PDZRN4: variants seen among roughly 807,000 people sequenced by gnomAD.
PDZRN4 encodes the protein PDZ domain-containing RING finger protein 4.
PDZRN4 carries 70 observed loss-of-function variants against 99.0 expected under a neutral mutation model. The observed-to-expected ratio is 0.71, with a 90% confidence interval of 0.58 to 0.86. The LOEUF is 0.86. Among genes scored for constraint, PDZRN4 ranks in the 40% least tolerant of loss-of-function variants. The probability of loss-of-function intolerance (pLI) is 0.00; values close to 1 mark genes in which losing one functional copy is unlikely to be tolerated. For missense variants in PDZRN4, 1,474 were observed against 1,331.2 expected, an observed-to-expected ratio of 1.11 and a Z score of -1.67; for synonymous variants, 551 against 501.6, an observed-to-expected ratio of 1.10 and a Z score of -1.32.
intron 3 of PDZRN4, among the ~76,000 whole-genome samples, chr12:41,462,076 T>A (rs1222791802): frequency 6.6e-6 from 1 of 152,228 alleles, no homozygotes; most frequent in East Asian, 1.9e-4. Flanking sequence ...ATCTATCTCT[T>A]CTGCCAACCA....
intron 3 of PDZRN4, among the ~76,000 whole-genome samples, chr12:41,470,984 G>A (rs1463528757): frequency 6.6e-6 from 1 of 152,140 alleles, no homozygotes; most frequent in Non-Finnish European, 1.5e-5. Flanking sequence ...ATACAAATAT[G>A]TAATAACACA....
intron 3 of PDZRN4, among the ~76,000 whole-genome samples, chr12:41,249,104 T>C (rs1161067788): frequency 6.6e-6 from 1 of 152,194 alleles, no homozygotes; most frequent in East Asian, 1.9e-4. Flanking sequence ...TATTCACATG[T>C]GCACATGTGT....
intron 3 of PDZRN4, among the ~76,000 whole-genome samples, chr12:41,367,710 G>T (rs1952011898): frequency 6.6e-6 from 1 of 151,814 alleles, no homozygotes; most frequent in Non-Finnish European, 1.5e-5. Context: ...TTATAGCTAT[G>T]AAAAAATTCA....
chr12:41,558,039 T>A (rs1044418378), intron 7 of PDZRN4, among the ~76,000 whole-genome samples: 2 of 152,168 alleles, frequency 1.3e-5, no homozygotes, highest in Non-Finnish European at 2.9e-5. Flanking sequence ...TTGTACAGCT[T>A]CGTTAAGAAA....
chr12:41,503,121 G>C (rs1938139339), intron 3 of PDZRN4, among the ~76,000 whole-genome samples: 1 of 151,680 alleles, frequency 6.6e-6, no homozygotes, highest in African/African-American at 2.4e-5. Context: ...TTCAAGTGAA[G>C]TGAAAAAAAA....
At chr12:41,340,916 A>G (rs965849975) in intron 3 of PDZRN4, among the ~76,000 whole-genome samples, 14 of 151,912 alleles carry the variant, frequency 9.2e-5, no homozygotes, top group African/African-American at 3.1e-4. Flanking sequence ...CAACAAAAAA[A>G]TAAACTACAG....
At chr12:41,235,843 C>T (rs1297746446) in intron 3 of PDZRN4, among the ~76,000 whole-genome samples, 2 of 152,110 alleles carry the variant, frequency 1.3e-5, no homozygotes, top group Non-Finnish European at 2.9e-5. Context: ...TTTGTTTAAC[C>T]AGCTTGAACA....
At chr12:41,213,332 G>A (rs1320141984) in intron 3 of PDZRN4, among the ~76,000 whole-genome samples, 1 of 152,022 alleles carries the variant, frequency 6.6e-6, no homozygotes, top group African/African-American at 2.4e-5. Flanking sequence ...TCGATGAGGG[G>A]TTTGGCAGTA....
rs991096340 is a variant in PDZRN4 at position 41,437,765 on chromosome 12, G to A, written c.844-68691G>A. On this transcript the variant is annotated intron_variant, in intron 3 of 9. Coordinates refer to ENST00000402685, the MANE Select transcript of PDZRN4 (RefSeq NM_001164595.2). ...AGATACTTAGGGAAAGCGAAGAAGA[G>A]CATGCTGCTACACACCACTCTGGCT... The A allele has an allele frequency of 3.3e-6, 5 of 1,509,834 alleles. No individual in the cohort carries two copies. The African/African-American group carries it at 4.2e-5, about 13-fold the overall frequency. The allele number at this position is 1,509,834 out of a possible 1,614,324, so 93.5% of individuals were successfully genotyped here.
intron 3 of PDZRN4, among the ~76,000 whole-genome samples, chr12:41,476,349 T>C (rs1332133669): frequency 3.3e-5 from 5 of 152,182 alleles, no homozygotes; most frequent in African/African-American, 9.6e-5. Context: ...AGAATCACAA[T>C]TAGAGATTAA....
chr12:41,364,667 G>T (rs1171435615), intron 3 of PDZRN4, among the ~76,000 whole-genome samples: 2 of 151,826 alleles, frequency 1.3e-5, no homozygotes, highest in Non-Finnish European at 2.9e-5. Flanking sequence ...TCCATTTTTG[G>T]TTGTGTATTT....
At chr12:41,402,133 ATATATATACACACACTGAG>A (rs1307119911) in intron 3 of PDZRN4, among the ~76,000 whole-genome samples, 24 of 85,584 alleles carry the variant, frequency 2.8e-4, no homozygotes, top group African/African-American at 1.4e-3. Context: ...ATATATATAT[ATATATATACACACACTGAG>A]TATATATATA....
intron 3 of PDZRN4, among the ~76,000 whole-genome samples, chr12:41,219,718 A>G (rs942652976): frequency 6.6e-6 from 1 of 152,114 alleles, no homozygotes; most frequent in Admixed American, 6.6e-5. Flanking sequence ...CCTTGATATG[A>G]TATGAGCTGT....
intron 3 of PDZRN4, among the ~76,000 whole-genome samples, chr12:41,429,881 C>T (rs11180917): frequency 0.033 from 5,089 of 151,938 alleles, 242 homozygotes; most frequent in African/African-American, 0.1. Context: ...TTGTACTGAG[C>T]TTTACTAGAC....
At chr12:41,396,592 G>A (rs1218927194) in intron 3 of PDZRN4, among the ~76,000 whole-genome samples, 3 of 152,128 alleles carry the variant, frequency 2.0e-5, no homozygotes, top group Non-Finnish European at 2.9e-5. Flanking sequence ...CAGGCTCAAC[G>A]TCTCTTGTGA....
rs145860320 is a variant in PDZRN4, at chr12:41,450,657, C to G, written c.844-55799C>G. ...TTCATTGAGACCAAGTGCCGTGGCTCATGCCTGTAATCCCAGCACTTTTGG... is the reference window on the plus strand; with the variant it reads ...TTCATTGAGACCAAGTGCCGTGGCTGATGCCTGTAATCCCAGCACTTTTGG... On this transcript the variant is annotated intron_variant, in intron 3 of 9. Transcript: ENST00000402685. Among the ~76,000 whole-genome samples, 251 of 144,908 alleles carry G rather than the reference C, an allele frequency of 1.7e-3. 1 individual carries two copies. The highest frequency in any genetic ancestry group is 2.9e-3 in the Non-Finnish European group (190 of 66,466).
intron 3 of PDZRN4, among the ~76,000 whole-genome samples, chr12:41,276,921 A>G (rs950727869): frequency 1.3e-5 from 2 of 152,194 alleles, no homozygotes; most frequent in Admixed American, 6.6e-5. Context: ...AATGTCATGC[A>G]TAATGGTTAG....
At chr12:41,567,706 C>A in intron 8 of PDZRN4, 77 bp from the exon 9 acceptor site, 1 of 767,212 alleles carries the variant, frequency 1.3e-6, no homozygotes, top group Non-Finnish European at 2.1e-6. Context: ...TCGTCGGGCA[C>A]CGGCCATTTA....
chr12:41,506,839 A>T, intron 4 of PDZRN4, 127 bp downstream of exon 4: 1 of 1,011,526 alleles, frequency 9.9e-7, no homozygotes, highest in Non-Finnish European at 1.4e-6. Context: ...CTCCGTTTGG[A>T]AAATGTCTCC....
Sources: allele counts gnomAD v4.1 joint callset (sites outside exome capture counted in the v4.1 genomes callset), GRCh38; gene constraint gnomAD v4.1.1; transcripts MANE v1.5; gene names NCBI Gene and HGNC (gene_info 2026-07-23, HGNC 2026-07-21).